VPS13B: variants seen among roughly 807,000 people sequenced by gnomAD.
The protein encoded by VPS13B is vacuolar protein sorting 13 homolog B.
Under a neutral mutation model 426.4 loss-of-function variants are expected in VPS13B, and 285 were observed. The observed-to-expected ratio is 0.67, with a 90% CI of 0.61 to 0.74. The LOEUF (loss-of-function observed/expected upper bound fraction) is 0.74, where lower values mean the gene tolerates loss of function less well. Ranked by LOEUF, VPS13B falls within the 30% of genes least tolerant of loss-of-function variation. VPS13B has a pLI of 0.00. For missense variants in VPS13B, 4,537 were observed against 4,782.6 expected, an observed-to-expected ratio of 0.95 and a Z score of 1.51; for synonymous variants, 1,676 against 1,676.4, an observed-to-expected ratio of 1.00 and a Z score of 0.01.
chr8:99,075,001 A>G (rs1268334147), intron 3 of VPS13B, among the ~76,000 whole-genome samples: 1 of 152,146 alleles, frequency 6.6e-6, no homozygotes, highest in Non-Finnish European at 1.5e-5. Flanking sequence ...CTGGCCTTGT[A>G]GAACGAGTTA....
chr8:99,374,494 A>G (rs1268695880), intron 19 of VPS13B, among the ~76,000 whole-genome samples: 2 of 152,004 alleles, frequency 1.3e-5, no homozygotes, highest in African/African-American at 2.4e-5. Context: ...GATAATTCCA[A>G]TATCTGGGCC....
intron 51 of VPS13B, among the ~76,000 whole-genome samples, chr8:99,829,770 A>G (rs1814939494): frequency 6.6e-6 from 1 of 152,220 alleles, no homozygotes; most frequent in African/African-American, 2.4e-5. Context: ...TGACCTTCAG[A>G]TGGAGTTTTT....
chr8:99,055,365 T>C (rs1843794764), intron 3 of VPS13B, among the ~76,000 whole-genome samples: 1 of 152,104 alleles, frequency 6.6e-6, no homozygotes, highest in East Asian at 1.9e-4. Flanking sequence ...TTTTCAAAAT[T>C]GTTTTGGCTC....
chr8:99,427,761 T>G (rs1816808818), intron 21 of VPS13B, among the ~76,000 whole-genome samples: 1 of 151,796 alleles, frequency 6.6e-6, no homozygotes, highest in Non-Finnish European at 1.5e-5. Context: ...ACCAATGACT[T>G]TCTTCACAGA....
chr8:99,240,908 T>TCAGCAG (rs1816899002), intron 17 of VPS13B: 1 of 152,676 alleles, frequency 6.5e-6, no homozygotes, highest in Admixed American at 6.5e-5. Context: ...CCTTTATGTG[T>TCAGCAG]TTGATGGAAC....
chr8:99,819,317 G>A (rs1266996085), intron 47 of VPS13B, 95 bp from the exon 48 acceptor site: 4 of 1,429,572 alleles, frequency 2.8e-6, no homozygotes, highest in Non-Finnish European at 3.9e-6. Context: ...AAAGGTGTTG[G>A]TCTATAATAC....
At chr8:99,346,360 G>C (rs566712798) in intron 19 of VPS13B, 1 of 152,322 alleles carries the variant, frequency 6.6e-6, no homozygotes, top group East Asian at 1.9e-4. Context: ...CTCCCAAGGT[G>C]GCAGGGTTCT....
At chr8:99,819,859 A>G in intron 48 of VPS13B, 62 bp from the exon 49 acceptor site, 1 of 1,581,330 alleles carries the variant, frequency 6.3e-7, no homozygotes, top group Non-Finnish European at 8.7e-7. Context: ...CTTTAAACAT[A>G]TTTCACAAAT....
At chr8:99,037,214 T>C (rs1421635137) in intron 2 of VPS13B, among the ~76,000 whole-genome samples, 1 of 152,008 alleles carries the variant, frequency 6.6e-6, no homozygotes, top group Non-Finnish European at 1.5e-5. Context: ...TATCTAAAAA[T>C]TGTAACATTC....
At chr8:99,268,355 G>A (rs905140034) in intron 17 of VPS13B, among the ~76,000 whole-genome samples, 11 of 152,162 alleles carry the variant, frequency 7.2e-5, no homozygotes, top group African/African-American at 2.7e-4. Context: ...GCACCATGTG[G>A]CCGGAGAAGC....
chr8:99,292,539 C>T (rs184990413), intron 19 of VPS13B, among the ~76,000 whole-genome samples: 28 of 152,144 alleles, frequency 1.8e-4, no homozygotes, highest in Admixed American at 1.5e-3. Context: ...TGATTATAGT[C>T]GCTGAAGTAA....
intron 34 of VPS13B, among the ~76,000 whole-genome samples, chr8:99,645,659 T>G (rs189831824): frequency 6.6e-6 from 1 of 152,318 alleles, no homozygotes; most frequent in Non-Finnish European, 1.5e-5. Context: ...AGGTAGAAAT[T>G]TATTTTGATT....
At chr8:99,284,585 T>A in intron 19 of VPS13B, among the ~76,000 whole-genome samples, 1 of 152,066 alleles carries the variant, frequency 6.6e-6, no homozygotes, top group East Asian at 1.9e-4. Context: ...TTTTTTGAGA[T>A]AGAATCTCAC....
At chr8:99,355,548 G>A (rs1051611597) in intron 19 of VPS13B, among the ~76,000 whole-genome samples, 29 of 152,072 alleles carry the variant, frequency 1.9e-4, no homozygotes, top group Non-Finnish European at 1.8e-4. Flanking sequence ...CCTAGATAGC[G>A]CCACTGCACT....
At chr8:99,813,158 T>C (rs1813816081) in intron 44 of VPS13B, among the ~76,000 whole-genome samples, 1 of 152,210 alleles carries the variant, frequency 6.6e-6, no homozygotes, top group South Asian at 2.1e-4. Flanking sequence ...TGAGTGACCA[T>C]TTTTGGATTT....
At chr8:99,774,469 T>C (rs1563911239) in intron 40 of VPS13B, among the ~76,000 whole-genome samples, 1 of 152,218 alleles carries the variant, frequency 6.6e-6, no homozygotes, top group Non-Finnish European at 1.5e-5. Flanking sequence ...TCATGATGTT[T>C]TAGCAACCTT....
chr8:99,458,600 T>G (rs1392451121), intron 23 of VPS13B, among the ~76,000 whole-genome samples: 2 of 152,196 alleles, frequency 1.3e-5, no homozygotes, highest in Non-Finnish European at 2.9e-5. Context: ...GACTTTTTAA[T>G]GATTGCCATT....
chr8:99,849,191 C>T (rs1816132554), intron 55 of VPS13B, among the ~76,000 whole-genome samples: 1 of 152,206 alleles, frequency 6.6e-6, no homozygotes, highest in Non-Finnish European at 1.5e-5. Flanking sequence ...ATTAATACCT[C>T]TGTGTCTGCA....
intron 23 of VPS13B, among the ~76,000 whole-genome samples, chr8:99,459,838 CCCTGTTTAT>C (rs779981394): frequency 3.2e-4 from 48 of 151,978 alleles, no homozygotes; most frequent in Non-Finnish European, 5.3e-4. Flanking sequence ...AAAAAGTTGA[CCCTGTTTAT>C]TATTATGCAA....
Sources: gnomAD v4.1 joint callset for allele counts (sites outside exome capture counted in the v4.1 genomes callset) on GRCh38, gnomAD v4.1.1 for gene constraint, MANE v1.5 for transcripts, NCBI Gene and HGNC (gene_info 2026-07-23, HGNC 2026-07-21) for gene names.